RIMS2: variants seen among roughly 807,000 people sequenced by gnomAD.
RIMS2 encodes regulating synaptic membrane exocytosis protein 2.
A neutral mutation model predicts 174.4 loss-of-function variants in RIMS2; 59 were observed. That is an observed-to-expected ratio of 0.34 (90% CI 0.27 to 0.42). The LOEUF is 0.42. Ranked by LOEUF, RIMS2 falls within the 10% of genes least tolerant of loss-of-function variation. The pLI is 1.00. For synonymous variants in RIMS2, 606 were observed against 572.5 expected (o/e 1.06, Z -0.84); for missense variants, 1,620 against 1,666.3 (o/e 0.97, Z 0.48).
chr8:104,233,000 T>G (rs1364410590), intron 19 of RIMS2, among the ~76,000 whole-genome samples: 1 of 152,104 alleles, frequency 6.6e-6, no homozygotes, highest in African/African-American at 2.4e-5. Flanking sequence ...CTCAATATGA[T>G]TAGCTATTTT....
intron 15 of RIMS2, among the ~76,000 whole-genome samples, chr8:103,964,880 A>G (rs996388419): frequency 4.6e-5 from 7 of 152,108 alleles, no homozygotes; most frequent in East Asian, 3.8e-4. Flanking sequence ...TGGACATCCA[A>G]TTGTTCCAGC....
chr8:104,109,415 C>T (rs1030396422), intron 19 of RIMS2, among the ~76,000 whole-genome samples: 2 of 151,792 alleles, frequency 1.3e-5, no homozygotes, highest in African/African-American at 4.8e-5. Context: ...TGATTGAGTC[C>T]TTGTTCTGCC....
Position 104,232,546 on chromosome 8 carries a change from G to A in RIMS2, c.3335-12370G>A, listed in dbSNP as rs146410306. ...CTAGGAAGGCTGGAGATTCTGGGCT[G>A]TAGGTTAGGAGTGATGCCCAAAACC... On this transcript the variant is annotated intron_variant, in intron 19 of 23. Coordinates refer to ENST00000504942, the Ensembl canonical transcript of RIMS2. Among the ~76,000 whole-genome samples, 325 of 152,314 alleles carry A rather than the reference G, an allele frequency of 2.1e-3. 1 individual carries two copies. The highest frequency in any genetic ancestry group is 7.3e-3 in the African/African-American group (304 of 41,566).
chr8:103,505,618 T>C (rs907592840), intron 1 of RIMS2, among the ~76,000 whole-genome samples: 1 of 152,170 alleles, frequency 6.6e-6, no homozygotes, highest in African/African-American at 2.4e-5. Context: ...TTGAGACAGA[T>C]TCCTAGAAAC....
chr8:104,088,323 C>T (rs540736142), intron 19 of RIMS2, among the ~76,000 whole-genome samples: 2 of 152,100 alleles, frequency 1.3e-5, no homozygotes, highest in African/African-American at 4.8e-5. Flanking sequence ...TATTTAATGA[C>T]TGCAGTGCCA....
At chr8:103,653,890 A>G (rs1045239453) in intron 1 of RIMS2, among the ~76,000 whole-genome samples, 2 of 152,108 alleles carry the variant, frequency 1.3e-5, no homozygotes, top group African/African-American at 4.8e-5. Context: ...TATTCTTGGC[A>G]TTTAGCAGAA....
intron 19 of RIMS2, among the ~76,000 whole-genome samples, chr8:104,017,965 C>T (rs1220722433): frequency 6.6e-6 from 1 of 151,910 alleles, no homozygotes; most frequent in Non-Finnish European, 1.5e-5. Context: ...GTCCCAGCTA[C>T]TCGGGAGGCT....
At chr8:103,939,734 C>G (rs1039180599) in intron 13 of RIMS2, among the ~76,000 whole-genome samples, 1 of 152,122 alleles carries the variant, frequency 6.6e-6, no homozygotes, top group African/African-American at 2.4e-5. Context: ...TAACAGAACC[C>G]AAGTCACATC....
At chr8:103,543,441 C>G (rs2131326471) in intron 1 of RIMS2, among the ~76,000 whole-genome samples, 1 of 152,208 alleles carries the variant, frequency 6.6e-6, no homozygotes, top group East Asian at 1.9e-4. Flanking sequence ...CTACTCAAAA[C>G]TATAGATTTA....
At chr8:104,164,922 A>G (rs2098787878) in intron 19 of RIMS2, among the ~76,000 whole-genome samples, 3 of 152,302 alleles carry the variant, frequency 2.0e-5, no homozygotes, top group Non-Finnish European at 1.5e-5. Flanking sequence ...TACCTATGTA[A>G]CAAACCTGCA....
At chr8:103,598,410 G>C (rs902266754) in intron 1 of RIMS2, among the ~76,000 whole-genome samples, 1 of 152,142 alleles carries the variant, frequency 6.6e-6, no homozygotes, top group Admixed American at 6.6e-5. Context: ...AAGATGTCAA[G>C]ATACTGAAAT....
At chr8:103,979,271 G>A (rs1259220365) in intron 16 of RIMS2, among the ~76,000 whole-genome samples, 2 of 152,204 alleles carry the variant, frequency 1.3e-5, no homozygotes, top group South Asian at 2.1e-4. Context: ...GATGAAATAG[G>A]ATATTACCTC....
chr8:103,639,713 T>C (rs538727883), intron 1 of RIMS2, among the ~76,000 whole-genome samples: 52 of 152,124 alleles, frequency 3.4e-4, no homozygotes, highest in African/African-American at 1.1e-3. Flanking sequence ...TTGGTTATTT[T>C]CAGTTTTCTG....
At chr8:104,222,421 A>G (rs1012839870) in intron 19 of RIMS2, among the ~76,000 whole-genome samples, 5 of 152,192 alleles carry the variant, frequency 3.3e-5, no homozygotes, top group Non-Finnish European at 5.9e-5. Flanking sequence ...ACCATTTTAG[A>G]TTGCATAATT....
chr8:104,200,506 T>A (rs770367431), intron 19 of RIMS2, among the ~76,000 whole-genome samples: 5 of 152,116 alleles, frequency 3.3e-5, no homozygotes, highest in Non-Finnish European at 5.9e-5. Flanking sequence ...AGTAGTAAGG[T>A]CTAGGGCAAG....
chr8:103,731,862 T>C (rs2097600240), intron 2 of RIMS2, among the ~76,000 whole-genome samples: 1 of 152,220 alleles, frequency 6.6e-6, no homozygotes, highest in Non-Finnish European at 1.5e-5. Context: ...CCATGTTATC[T>C]TGAATTTCAA....
exon 1 of RIMS2, chr8:103,500,931 G>A: frequency 1.2e-6 from 2 of 1,607,760 alleles, no homozygotes; most frequent in Non-Finnish European, 1.7e-6. Flanking sequence ...CTCCCATCCC[G>A]GCGGCCTCTC....
Position 103,766,545 on chromosome 8 carries a change from T to C in RIMS2, c.698+8T>C. On this transcript the variant is annotated splice_region_variant and intron_variant, in intron 3 of 23. Coordinates refer to ENST00000504942, the Ensembl canonical transcript of RIMS2. The stretch of plus-strand genomic sequence containing the variant: ...TGACATAGCTTCAGACAGGTAAACA[T>C]TTTGTTTAATCTTTAGGCAAATGTA... The C allele has an allele frequency of 6.3e-7, 1 of 1,584,860 alleles. No homozygotes were observed. The highest frequency in any genetic ancestry group is 8.6e-7 in the Non-Finnish European group (1 of 1,160,212).
chr8:103,753,846 T>C (rs1050132269), intron 2 of RIMS2, among the ~76,000 whole-genome samples: 1 of 152,208 alleles, frequency 6.6e-6, no homozygotes, highest in Non-Finnish European at 1.5e-5. Flanking sequence ...TTGCTAGTGG[T>C]CTATCAATTT....
Sources: allele counts gnomAD v4.1 joint callset (sites outside exome capture counted in the v4.1 genomes callset), GRCh38; gene constraint gnomAD v4.1.1; transcripts MANE v1.5; gene names NCBI Gene and HGNC (gene_info 2026-07-23, HGNC 2026-07-21).